Variants in CTNNA2 observed in about 807,000 individuals in gnomAD.
CTNNA2 encodes the protein catenin alpha-2.
CTNNA2 carries 42 observed loss-of-function variants against 101.0 expected under a neutral mutation model. The ratio of observed to expected loss-of-function variants is 0.42; its 90% CI spans 0.32 to 0.54. The LOEUF is 0.54. Among genes scored for constraint, CTNNA2 ranks in the 20% least tolerant of loss-of-function variants. The probability of loss-of-function intolerance (pLI) is 0.14; values close to 1 mark genes in which losing one functional copy is unlikely to be tolerated. For synonymous variants in CTNNA2, 450 were observed against 456.4 expected (o/e 0.99, Z 0.18); for missense variants, 871 against 1,223.1 (o/e 0.71, Z 4.29).
intron 3 of CTNNA2, among the ~76,000 whole-genome samples, chr2:79,315,067 G>A (rs1436918326): frequency 6.6e-6 from 1 of 152,034 alleles, no homozygotes; most frequent in Non-Finnish European, 1.5e-5. Context: ...GGGTGTAATA[G>A]GTGCACCTTC....
intron 7 of CTNNA2, among the ~76,000 whole-genome samples, chr2:80,059,258 C>A (rs1167934618): frequency 6.6e-6 from 1 of 152,134 alleles, no homozygotes; most frequent in Non-Finnish European, 1.5e-5. Flanking sequence ...TTGCAAGACT[C>A]TCATACAGGG....
chr2:79,623,298 A>AT (rs1261268109), intron 1 of CTNNA2, among the ~76,000 whole-genome samples: 1 of 152,122 alleles, frequency 6.6e-6, no homozygotes, highest in African/African-American at 2.4e-5. Context: ...TGACTACTGC[A>AT]TTTTTCTGGG....
At chr2:79,637,872 T>C (rs1198472498) in intron 1 of CTNNA2, among the ~76,000 whole-genome samples, 1 of 152,236 alleles carries the variant, frequency 6.6e-6, no homozygotes, top group Non-Finnish European at 1.5e-5. Flanking sequence ...GCTTTAGTTC[T>C]CTTATGGGTA....
chr2:79,319,887 G>C (rs1676579870), intron 3 of CTNNA2: 1 of 152,154 alleles, frequency 6.6e-6, no homozygotes. Context: ...CCACCCACTG[G>C]GGCAAGCTGG....
At chr2:79,850,436 T>G (rs1181664157) in intron 3 of CTNNA2, among the ~76,000 whole-genome samples, 1 of 139,418 alleles carries the variant, frequency 7.2e-6, no homozygotes, top group Non-Finnish European at 1.6e-5. Flanking sequence ...TCTCCCTCCC[T>G]CCCTTCCTTC....
intron 4 of CTNNA2, among the ~76,000 whole-genome samples, chr2:79,481,986 C>T (rs1671114610): frequency 6.6e-6 from 1 of 152,010 alleles, no homozygotes; most frequent in African/African-American, 2.4e-5. Flanking sequence ...TAGATTAAAC[C>T]CAAAGTGAAA....
At chr2:80,019,824 C>G (rs1425703295) in intron 7 of CTNNA2, among the ~76,000 whole-genome samples, 2 of 152,184 alleles carry the variant, frequency 1.3e-5, no homozygotes, top group East Asian at 3.9e-4. Flanking sequence ...CTCTCTTGTT[C>G]TGATCTAACT....
chr2:80,286,304 C>T (rs1421746471), intron 7 of CTNNA2, among the ~76,000 whole-genome samples: 3 of 152,056 alleles, frequency 2.0e-5, no homozygotes. Flanking sequence ...CTTTTCCCCC[C>T]GCCCCACCGT....
At chr2:79,943,192 G>A (rs570258572) in intron 7 of CTNNA2, among the ~76,000 whole-genome samples, 4 of 152,260 alleles carry the variant, frequency 2.6e-5, no homozygotes, top group Non-Finnish European at 5.9e-5. Flanking sequence ...ATTCCAGCCT[G>A]GGCAACAAAA....
intron 7 of CTNNA2, among the ~76,000 whole-genome samples, chr2:80,051,551 T>A (rs1188546491): frequency 2.0e-5 from 3 of 152,178 alleles, no homozygotes; most frequent in Non-Finnish European, 4.4e-5. Flanking sequence ...TCTATAAATT[T>A]ACATTCTTGG....
At chr2:79,915,018 G>A (rs919318044) in intron 7 of CTNNA2, among the ~76,000 whole-genome samples, 1 of 151,832 alleles carries the variant, frequency 6.6e-6, no homozygotes, top group African/African-American at 2.4e-5. Context: ...GATCTAAAAA[G>A]GTTATTTCCA....
intron 9 of CTNNA2, among the ~76,000 whole-genome samples, chr2:80,443,000 T>C (rs938984947): frequency 6.6e-6 from 1 of 152,182 alleles, no homozygotes; most frequent in African/African-American, 2.4e-5. Flanking sequence ...GAACTGAAGC[T>C]CATGCTTTTT....
At chr2:80,127,532 C>G (rs1702203678) in intron 7 of CTNNA2, among the ~76,000 whole-genome samples, 1 of 152,076 alleles carries the variant, frequency 6.6e-6, no homozygotes, top group Admixed American at 6.6e-5. Flanking sequence ...AGGACATAGC[C>G]AAGTGTATGG....
chr2:79,287,272 G>A (rs528024420), intron 2 of CTNNA2, among the ~76,000 whole-genome samples: 118 of 152,282 alleles, frequency 7.7e-4, no homozygotes, highest in African/African-American at 1.8e-3. Flanking sequence ...GTCATTCTCC[G>A]TCCAGCTTTG....
At chr2:80,144,666 C>G (rs542431807) in intron 7 of CTNNA2, among the ~76,000 whole-genome samples, 12 of 152,260 alleles carry the variant, frequency 7.9e-5, no homozygotes, top group African/African-American at 2.9e-4. Context: ...CAAGTCACTT[C>G]CTATTAATCC....
chr2:79,927,431 A>T (rs1451002361), intron 7 of CTNNA2, among the ~76,000 whole-genome samples: 2 of 152,134 alleles, frequency 1.3e-5, no homozygotes, highest in Non-Finnish European at 2.9e-5. Flanking sequence ...ATGGAAGACA[A>T]TGGAGTCTGA....
At chr2:79,219,361 T>C (rs1235281858) in intron 2 of CTNNA2, among the ~76,000 whole-genome samples, 1 of 152,172 alleles carries the variant, frequency 6.6e-6, no homozygotes, top group East Asian at 1.9e-4. Flanking sequence ...TGGAAATGTT[T>C]TATTTCGCAC....
chr2:80,517,044 A>G (rs1298405385), intron 9 of CTNNA2, among the ~76,000 whole-genome samples: 5 of 152,168 alleles, frequency 3.3e-5, no homozygotes, highest in Admixed American at 6.5e-5. Context: ...TTTGTCTGAA[A>G]TGAAGAAGGA....
At chr2:79,846,946 G>A (rs1245315971) in intron 3 of CTNNA2, among the ~76,000 whole-genome samples, 1 of 152,108 alleles carries the variant, frequency 6.6e-6, no homozygotes, top group Non-Finnish European at 1.5e-5. Context: ...CATGTTAATT[G>A]GCTTAAAAAG....
Sources: gnomAD v4.1 joint callset for allele counts (sites outside exome capture counted in the v4.1 genomes callset) on GRCh38, gnomAD v4.1.1 for gene constraint, MANE v1.5 for transcripts, NCBI Gene and HGNC (gene_info 2026-07-23, HGNC 2026-07-21) for gene names.